KIF17: variants seen among roughly 807,000 people sequenced by gnomAD.
The protein encoded by KIF17 is kinesin-like protein KIF17.
A neutral mutation model predicts 96.8 loss-of-function variants in KIF17; 80 were observed. The observed-to-expected ratio is 0.83, with a 90% confidence interval of 0.69 to 1.00. The LOEUF (loss-of-function observed/expected upper bound fraction) is 1.00, where lower values mean the gene tolerates loss of function less well. Ranked by LOEUF, KIF17 falls within the 50% of genes least tolerant of loss-of-function variation. The pLI, the probability that KIF17 is intolerant of heterozygous loss-of-function variation, is 0.00. For synonymous variants in KIF17, 567 were observed against 587.5 expected (o/e 0.97, Z 0.51); for missense variants, 1,280 against 1,372.9 (o/e 0.93, Z 1.07).
intron 6 of KIF17, chr1:20,693,913 C>T (rs745548150): frequency 1.3e-5 from 2 of 152,272 alleles, no homozygotes; most frequent in Non-Finnish European, 2.9e-5. Flanking sequence ...CAAGGGCCGC[C>T]AGTTGCTTCT....
At chr1:20,665,891 G>T (rs573259251) in intron 14 of KIF17, among the ~76,000 whole-genome samples, 1 of 152,056 alleles carries the variant, frequency 6.6e-6, no homozygotes, top group Non-Finnish European at 1.5e-5. Flanking sequence ...AAGCTGGCGC[G>T]TAACTAGTGA....
At chr1:20,703,522 G>A (rs1396857624) in intron 5 of KIF17, among the ~76,000 whole-genome samples, 1 of 151,544 alleles carries the variant, frequency 6.6e-6, no homozygotes, top group Non-Finnish European at 1.5e-5. Flanking sequence ...ATGGATGGAT[G>A]GATGGATAGA....
At position 20,672,500 on chromosome 1, in the gene KIF17, A is replaced by G. The variant is rs1005471178; in HGVS notation, c.2464-304T>C. Reference sequence around the variant, plus strand: ...AATGTAGGGGAAAAGTTGATCAGCAATCCCAACAGCCAGCCCCTCAGTCAC... The same window carrying G: ...AATGTAGGGGAAAAGTTGATCAGCAGTCCCAACAGCCAGCCCCTCAGTCAC... On this transcript the variant is annotated intron_variant, in intron 11 of 14. Transcript: ENST00000400463. The surrounding 1 kb of genome is among the most constrained non-coding windows in gnomAD (Gnocchi z 4.3). Among the ~76,000 whole-genome samples the G allele has an allele frequency of 6.6e-6, 1 of 152,188 alleles. No homozygotes were observed. The highest frequency in any genetic ancestry group is 6.5e-5 in the Admixed American group (1 of 15,272).
At chr1:20,665,888 C>T (rs1043374689) in intron 14 of KIF17, among the ~76,000 whole-genome samples, 8 of 151,992 alleles carry the variant, frequency 5.3e-5, no homozygotes, top group Admixed American at 2.0e-4. Flanking sequence ...AGGAAGCTGG[C>T]GCGTAACTAG....
Position 20,701,586 on chromosome 1 carries a change from C to T in KIF17, c.1123+2861G>A, listed in dbSNP as rs556531397. Among the ~76,000 whole-genome samples the T allele has an allele frequency of 2.2e-3, 333 of 152,200 alleles. 2 individuals carry two copies. Among genetic ancestry groups the T allele is most frequent in the African/African-American group, 7.4e-3 (308 of 41,514 alleles). On this transcript the variant is annotated intron_variant, in intron 5 of 14. Transcript: ENST00000400463. ...CAGCAGAGGACCAGCCTGGGACAGCCCAGGGTTAAGAGGCCAGGGAGCAGG... is the reference window on the plus strand; with the variant it reads ...CAGCAGAGGACCAGCCTGGGACAGCTCAGGGTTAAGAGGCCAGGGAGCAGG...
rs770292711 is a variant in KIF17, at chr1:20,690,216, C to A, written c.1353G>T (p.Thr451=). The A allele has an allele frequency of 6.2e-7, 1 of 1,614,110 alleles. No individual in the cohort carries two copies. The highest frequency in any genetic ancestry group is 1.1e-5 in the South Asian group (1 of 91,084). Reference sequence around the variant, plus strand: ...TCTCCTTCCGCAGGTTCTCCTCCAGCGTGGACAGCCTGACGTCATATGAGT... The same window carrying A: ...TCTCCTTCCGCAGGTTCTCCTCCAGAGTGGACAGCCTGACGTCATATGAGT... ...MRNSYDVRLS[T]LEENLRKETE... The change falls in exon 7 of 15, where the codon ACG becomes ACT. Residue 451 remains threonine, a synonymous_variant. Transcript: ENST00000400463.
At chr1:20,701,734 G>A (rs1412127516) in intron 5 of KIF17, among the ~76,000 whole-genome samples, 1 of 152,162 alleles carries the variant, frequency 6.6e-6, no homozygotes, top group African/African-American at 2.4e-5. Flanking sequence ...AACTGGTGCT[G>A]AGACGGCAAG....
In KIF17 at chr1:20,687,516, C is replaced by T; in HGVS notation, c.1810G>A (p.Val604Met). 2 of 1,613,276 alleles carry T rather than the reference C, an allele frequency of 1.2e-6. No individual in the cohort carries two copies. Among genetic ancestry groups the T allele is most frequent in the Middle Eastern group, 3.3e-4 (2 of 6,006 alleles). Reference protein sequence around the residue: ...NYLPQEEPQEVPLQGLLGLQD... With the variant: ...NYLPQEEPQEMPLQGLLGLQD... ...AGGCCTAGTAACCCCTGCAGGGGCA[C>T]CTCCTGCGGCTCCTCTTGCGGGAGG... Residue 604 changes from valine to methionine, a missense_variant, in exon 8 of 15, where the codon GTG (valine) becomes ATG (methionine). Coordinates refer to ENST00000400463, the MANE Select transcript of KIF17 (RefSeq NM_001122819.3). This position sits in a 1 kb window ranked among gnomAD's most constrained non-coding sequence, Gnocchi z 4.4.
At chr1:20,681,983 C>T (rs1485928324) in intron 11 of KIF17, among the ~76,000 whole-genome samples, 2 of 152,142 alleles carry the variant, frequency 1.3e-5, no homozygotes, top group Non-Finnish European at 2.9e-5. Flanking sequence ...ACTTAACCAT[C>T]AACAAAAATG....
chr1:20,669,112 A>C (rs1320255841), intron 13 of KIF17, among the ~76,000 whole-genome samples: 1 of 151,924 alleles, frequency 6.6e-6, no homozygotes, highest in Non-Finnish European at 1.5e-5. Flanking sequence ...GTGTCATGGA[A>C]GCTGTGCCTG....
rs1557606991 is a variant in KIF17 at position 20,712,841 on chromosome 1, G to GATAATATTATCTATTATCTATA, written c.480+612_480+613insTATAGATAATAGATAATATTAT. Among the ~76,000 whole-genome samples the GATAATATTATCTATTATCTATA allele has an allele frequency of 1.1e-3, 29 of 26,394 alleles. 4 individuals carry two copies. Among genetic ancestry groups the GATAATATTATCTATTATCTATA allele is most frequent in the African/African-American group, 4.3e-3 (29 of 6,802 alleles). 17.3% of individuals were successfully genotyped at this position (26,394 alleles called of 152,430 possible). ...TAATATAGATATTATCTATATTATA[G>GATAATATTATCTATTATCTATA]ATATAGATAATATTATCTATATTAT... On this transcript the variant is annotated intron_variant, in intron 3 of 14. Transcript: ENST00000400463.
Position 20,712,603 on chromosome 1 carries a change from TC to T in KIF17, c.480+850del, listed in dbSNP as rs1338326759. ...TTATCTATATATATATCTATATATA[TC>T]TATATATATATAATATAGATAATAT... On this transcript the variant is annotated intron_variant, in intron 3 of 14. Transcript: ENST00000400463. Among the ~76,000 whole-genome samples, 5 of 20,678 alleles carry T rather than the reference TC, an allele frequency of 2.4e-4. 1 individual carries two copies. The highest frequency in any genetic ancestry group is 4.6e-4 in the African/African-American group (4 of 8,774). The allele number at this position is 20,678 out of a possible 152,430, so 13.6% of individuals were successfully genotyped here.
intron 10 of KIF17, among the ~76,000 whole-genome samples, chr1:20,683,143 C>T (rs1406832428): frequency 4.6e-5 from 7 of 152,210 alleles, no homozygotes; most frequent in African/African-American, 1.7e-4. Flanking sequence ...AGCTAACCCA[C>T]CCCTGACCCG....
intron 4 of KIF17, among the ~76,000 whole-genome samples, chr1:20,705,588 G>A (rs2054326758): frequency 6.6e-6 from 1 of 152,204 alleles, no homozygotes; most frequent in African/African-American, 2.4e-5. Context: ...ACGCTTTGAA[G>A]ACAAAACAGG....
chr1:20,690,401 G>C, intron 6 of KIF17, 66 bp from the exon 7 acceptor site: 1 of 1,510,372 alleles, frequency 6.6e-7, no homozygotes, highest in South Asian at 1.2e-5. Flanking sequence ...CCAGCTTTCA[G>C]TATTCCTTTT....
intron 3 of KIF17, among the ~76,000 whole-genome samples, chr1:20,711,363 C>T (rs902190437): frequency 1.4e-4 from 22 of 152,178 alleles, no homozygotes; most frequent in Non-Finnish European, 2.2e-4. Flanking sequence ...TCCCCCTCCA[C>T]CGCGCTCCCA....
rs553516160 is a variant in KIF17, at chr1:20,687,939, C to G, written c.1387G>C (p.Val463Leu). Residue 463 changes from valine (V) to leucine (L), a missense_variant, in exon 8 of 15, where the codon GTC (valine) becomes CTC (leucine). By Grantham distance (32) the Val-to-Leu change is conservative (BLOSUM62 1). Coordinates refer to ENST00000400463, the MANE Select transcript of KIF17 (RefSeq NM_001122819.3). The surrounding 1 kb of genome is among the most constrained non-coding windows in gnomAD (Gnocchi z 4.4). The part of the protein sequence containing the change: ...EENLRKETEA[V>L]LQVGVLYKAE... ...TTGTAGAGGACTCCCACCTGCAGGA[C>G]AGCCTCTGCAAAATGGAGAACTTCC... is the stretch of plus-strand genomic sequence containing the variant. The G allele has an allele frequency of 2.1e-5, 34 of 1,613,620 alleles. No individual in the cohort carries two copies. The African/African-American group carries it at 3.2e-4, about 15-fold the overall frequency.
At chr1:20,667,158 A>C (rs1479743881) in intron 13 of KIF17, among the ~76,000 whole-genome samples, 2 of 152,150 alleles carry the variant, frequency 1.3e-5, no homozygotes, top group African/African-American at 4.8e-5. Flanking sequence ...GCGGCAGGTG[A>C]GCAAGTGAAG....
Position 20,685,940 on chromosome 1 carries a change from C to T in KIF17, c.2019+106G>A, listed in dbSNP as rs2053929724. 1 of 974,794 alleles carries T rather than the reference C, an allele frequency of 1.0e-6. No homozygotes were observed. Among genetic ancestry groups the T allele is most frequent in the African/African-American group, 1.6e-5 (1 of 61,494 alleles). The allele number at this position is 974,794 out of a possible 1,614,324, so 60.4% of individuals were successfully genotyped here. Reference sequence around the variant, plus strand: ...AAGGCTGGAGTTGTTGTTCTCAGCTCATGGATGAGGAAACTGAAGCTCAGG... The same window carrying T: ...AAGGCTGGAGTTGTTGTTCTCAGCTTATGGATGAGGAAACTGAAGCTCAGG... On this transcript the variant is annotated intron_variant, in intron 9 of 14. Transcript: ENST00000400463. This position sits in a 1 kb window ranked among gnomAD's most constrained non-coding sequence, Gnocchi z 4.1.
Sources: gnomAD v4.1 joint callset for allele counts (sites outside exome capture counted in the v4.1 genomes callset) on GRCh38, gnomAD v4.1.1 for gene constraint, Gnocchi (gnomAD v3.1) non-coding constraint, MANE v1.5 for transcripts, NCBI Gene and HGNC (gene_info 2026-07-23, HGNC 2026-07-21) for gene names.